NFX1: variants seen among roughly 807,000 people sequenced by gnomAD.
The protein encoded by NFX1 is nuclear transcription factor, X-box binding 1.
In NFX1, 69 loss-of-function variants were observed where a neutral mutation model predicts 137.2. The ratio of observed to expected loss-of-function variants is 0.50; its 90% CI spans 0.41 to 0.61. NFX1 has a LOEUF of 0.61. NFX1 is among the 20% of genes least tolerant of loss of function. The pLI is 0.00. For synonymous variants in NFX1, 495 were observed against 474.1 expected, an observed-to-expected ratio of 1.04 and a Z score of -0.57; for missense variants, 1,167 against 1,391.0, an observed-to-expected ratio of 0.84 and a Z score of 2.56.
chr9:33,290,881 C>T (rs563471245), intron 1 of NFX1, among the ~76,000 whole-genome samples: 1 of 152,356 alleles, frequency 6.6e-6, no homozygotes, highest in South Asian at 2.1e-4. Flanking sequence ...GTTTCTGGGG[C>T]AGCGGCGCAC....
intron 4 of NFX1, among the ~76,000 whole-genome samples, chr9:33,306,824 C>G (rs1457699059): frequency 6.6e-6 from 1 of 152,118 alleles, no homozygotes; most frequent in Admixed American, 6.6e-5. Context: ...TCTCTTATTC[C>G]CTCTCTCTGA....
At position 33,301,263 on chromosome 9, in the gene NFX1, G is replaced by A. The variant is rs1821553732; in HGVS notation, c.1034G>A (p.Gly345Asp). The A allele has an allele frequency of 6.2e-7, 1 of 1,609,890 alleles. No homozygotes were observed. Among genetic ancestry groups the A allele is most frequent in the Admixed American group, 1.7e-5 (1 of 59,026 alleles). ...TTTTGTTATTTTGTTTTTTAAACAG[G>A]TTCTCTAATTGAACAACTAACAACA... is the stretch of plus-strand genomic sequence containing the variant. ...HVLKNVETHT[G>D]SLIEQLTTEK... Residue 345 changes from glycine (G) to aspartate (D), a missense_variant and splice_region_variant, in exon 3 of 24, where the codon GGT becomes GAT. Coordinates refer to ENST00000379540, the MANE Select transcript of NFX1 (RefSeq NM_002504.6).
At chr9:33,301,861 C>G (rs1013441564) in intron 3 of NFX1, among the ~76,000 whole-genome samples, 2 of 152,172 alleles carry the variant, frequency 1.3e-5, no homozygotes, top group Non-Finnish European at 2.9e-5. Flanking sequence ...CATCTGAAGT[C>G]AGAAGTTCAA....
chr9:33,293,001 C>A (rs1214314025), intron 1 of NFX1, among the ~76,000 whole-genome samples: 5 of 152,224 alleles, frequency 3.3e-5, no homozygotes, highest in African/African-American at 1.2e-4. Flanking sequence ...CCCTAGAATT[C>A]TGCCTATGTG....
At chr9:33,315,314 T>C (rs972597433) in intron 7 of NFX1, among the ~76,000 whole-genome samples, 3 of 152,208 alleles carry the variant, frequency 2.0e-5, no homozygotes. Context: ...ATATTGTCAG[T>C]TACCCAGTCG....
intron 17 of NFX1, 166 bp downstream of exon 17, chr9:33,352,885 A>G (rs781250124): frequency 1.4e-5 from 8 of 583,688 alleles, no homozygotes; most frequent in South Asian, 2.2e-5. Flanking sequence ...ACATGTGTTT[A>G]TCATAGTATC....
chr9:33,352,287 G>C, intron 16 of NFX1: 1 of 421,040 alleles, frequency 2.4e-6, no homozygotes, highest in Non-Finnish European at 4.7e-6. Flanking sequence ...TGGTCTAAAG[G>C]ATCAAGTGTG....
rs1001810662 is a variant in NFX1, at chr9:33,347,052, C to T, written c.2359C>T (p.His787Tyr). The T allele has an allele frequency of 6.2e-7, 1 of 1,612,918 alleles. No individual in the cohort carries two copies. The highest frequency in any genetic ancestry group is 2.2e-5 in the East Asian group (1 of 44,848). Residue 787 changes from histidine to tyrosine, a missense_variant, in exon 15 of 24, where the codon CAT (histidine) becomes TAT (tyrosine). By Grantham distance (83) the His-to-Tyr change is moderately conservative (BLOSUM62 2). Transcript: ENST00000379540. Reference protein sequence around the residue: ...ECDHPVYHSCHSEEKCPPCTF... With the variant: ...ECDHPVYHSCYSEEKCPPCTF... ...TCTTTCTGCAGTATATCATTCTTGT[C>T]ATAGTGAGGAGAAGTGTCCCCCTTG...
chr9:33,303,218 C>A lies in NFX1; in HGVS notation c.1220C>A (p.Ala407Asp). Residue 407 changes from alanine (A) to aspartate (D), a missense_variant, in exon 4 of 24, where the codon GCC (alanine) becomes GAC (aspartate). Transcript: ENST00000379540. ...ADGQSGWRCP[A>D]CQNVSAHVPN... ...GGCCAGAGTGGTTGGAGGTGCCCTG[C>A]CTGTCAGAATGTTTCTGCACATGTT... 6.2e-7 allele frequency: 1 copy of A among 1,614,066 alleles called. No individual in the cohort carries two copies. Among genetic ancestry groups the A allele is most frequent in the Non-Finnish European group, 8.5e-7 (1 of 1,179,992 alleles).
chr9:33,290,625 G>A (rs775544064), intron 1 of NFX1, 28 bp downstream of exon 1: 3 of 1,600,332 alleles, frequency 1.9e-6, no homozygotes, highest in South Asian at 1.1e-5. Flanking sequence ...GCGGGACTGG[G>A]CCCCTTTCAG....
At chr9:33,302,509 A>G (rs1821608171) in intron 3 of NFX1, among the ~76,000 whole-genome samples, 1 of 151,420 alleles carries the variant, frequency 6.6e-6, no homozygotes, top group African/African-American at 2.4e-5. Context: ...CTACAGGCAC[A>G]TGCCACCACA....
At chr9:33,362,574 C>G (rs1237080881) in intron 19 of NFX1, among the ~76,000 whole-genome samples, 2 of 151,226 alleles carry the variant, frequency 1.3e-5, no homozygotes, top group Non-Finnish European at 2.9e-5. Flanking sequence ...AATACAGAAG[C>G]AGAGAGTAGA....
Position 33,290,541 on chromosome 9 carries a change from T to A in NFX1, c.-32T>A. 1 of 1,613,842 alleles carries A rather than the reference T, an allele frequency of 6.2e-7. No homozygotes were observed. Among genetic ancestry groups the A allele is most frequent in the Non-Finnish European group, 8.5e-7 (1 of 1,179,860 alleles). ...GACCTGGTGACAGTGCTGACTTGGC[T>A]GTACAGCTCGATCTAGGTTCTGCGG... On this transcript the variant is annotated 5_prime_UTR_variant, in exon 1 of 24. Coordinates refer to ENST00000379540, the MANE Select transcript of NFX1 (RefSeq NM_002504.6).
At chr9:33,348,159 GC>G in intron 15 of NFX1, 1 of 151,706 alleles carries the variant, frequency 6.6e-6, no homozygotes, top group South Asian at 2.1e-4. Context: ...AACCAGCCTG[GC>G]CAACAAGGTG....
chr9:33,331,598 C>G (rs1392934863), intron 10 of NFX1, among the ~76,000 whole-genome samples: 1 of 151,940 alleles, frequency 6.6e-6, no homozygotes, highest in Non-Finnish European at 1.5e-5. Context: ...ATCATCAATC[C>G]CAGACACCTC....
chr9:33,363,360 C>T (rs1356280992), intron 19 of NFX1, among the ~76,000 whole-genome samples: 1 of 151,584 alleles, frequency 6.6e-6, no homozygotes, highest in Non-Finnish European at 1.5e-5. Flanking sequence ...TCTCGGTTCA[C>T]TGCAACCTCT....
intron 19 of NFX1, among the ~76,000 whole-genome samples, chr9:33,362,433 T>TA (rs1030996996): frequency 3.3e-5 from 5 of 151,828 alleles, no homozygotes; most frequent in South Asian, 2.1e-4. Flanking sequence ...TATTCGGCCA[T>TA]AAAAAAAATG....
intron 2 of NFX1, among the ~76,000 whole-genome samples, chr9:33,297,962 T>G (rs914201267): frequency 6.6e-6 from 1 of 152,222 alleles, no homozygotes; most frequent in African/African-American, 2.4e-5. Flanking sequence ...TTAACAAATC[T>G]CTTGGGGCCT....
intron 9 of NFX1, among the ~76,000 whole-genome samples, chr9:33,325,100 AATAG>A (rs1433033329): frequency 1.3e-5 from 2 of 152,182 alleles, no homozygotes; most frequent in African/African-American, 4.8e-5. Flanking sequence ...TTAATGAAAT[AATAG>A]ATAAAAACTT....
Sources: gnomAD v4.1 joint callset for allele counts (sites outside exome capture counted in the v4.1 genomes callset) on GRCh38, gnomAD v4.1.1 for gene constraint, MANE v1.5 for transcripts, NCBI Gene and HGNC (gene_info 2026-07-23, HGNC 2026-07-21) for gene names.